The following WWOX variants were observed in gnomAD, a reference collection of about 807,000 sequenced individuals.
WWOX encodes WW domain-containing oxidoreductase.
WWOX carries 69 observed loss-of-function variants against 46.2 expected under a neutral mutation model. The observed-to-expected ratio is 1.49, with a 90% CI of 1.23 to 1.82. WWOX has a LOEUF of 1.82. Among genes scored for constraint, WWOX ranks in the 40% most tolerant of loss-of-function variants. The pLI is 0.00. For synonymous variants in WWOX, 359 were observed against 202.6 expected, an observed-to-expected ratio of 1.77 and a Z score of -6.56; for missense variants, 919 against 542.6, an observed-to-expected ratio of 1.69 and a Z score of -6.89.
At chr16:78,674,397 G>T (rs1017438957) in intron 8 of WWOX, among the ~76,000 whole-genome samples, 3 of 151,020 alleles carry the variant, frequency 2.0e-5, no homozygotes, top group African/African-American at 7.3e-5. Flanking sequence ...CAATTGTCCT[G>T]CCTCAGCCTC....
At chr16:79,134,965 T>C (rs973052264) in intron 8 of WWOX, among the ~76,000 whole-genome samples, 6 of 152,172 alleles carry the variant, frequency 3.9e-5, no homozygotes, top group Non-Finnish European at 8.8e-5. Flanking sequence ...AGACAGGAGC[T>C]ACATACATTT....
At chr16:78,985,433 G>C (rs968092428) in intron 8 of WWOX, among the ~76,000 whole-genome samples, 1 of 152,170 alleles carries the variant, frequency 6.6e-6, no homozygotes, top group South Asian at 2.1e-4. Context: ...TCTCTGGCTA[G>C]TACAGATCTC....
chr16:79,036,568 C>T (rs150511456), intron 8 of WWOX, among the ~76,000 whole-genome samples: 9 of 152,154 alleles, frequency 5.9e-5, no homozygotes, highest in African/African-American at 1.7e-4. Flanking sequence ...GAGCTCTTGG[C>T]TTAATGTGGG....
intron 5 of WWOX, among the ~76,000 whole-genome samples, chr16:78,184,728 C>G (rs2035641591): frequency 6.6e-6 from 1 of 152,088 alleles, no homozygotes; most frequent in South Asian, 2.1e-4. Flanking sequence ...GGTAATGCAA[C>G]CACCGTAAAA....
intron 6 of WWOX, among the ~76,000 whole-genome samples, chr16:78,410,899 G>T (rs1301968107): frequency 1.3e-5 from 2 of 151,708 alleles, no homozygotes; most frequent in Non-Finnish European, 2.9e-5. Context: ...GCTGTTGGCA[G>T]AGGTCACTTC....
intron 8 of WWOX, among the ~76,000 whole-genome samples, chr16:78,924,695 T>G (rs1198018920): frequency 1.3e-5 from 2 of 152,184 alleles, no homozygotes; most frequent in African/African-American, 4.8e-5. Context: ...TGTGGGAGAG[T>G]AACCATTAAT....
At chr16:79,021,200 C>T (rs926747284) in intron 8 of WWOX, among the ~76,000 whole-genome samples, 5 of 152,164 alleles carry the variant, frequency 3.3e-5, no homozygotes, top group South Asian at 2.1e-4. Flanking sequence ...TGCAAATCTA[C>T]ATGCAGTAAA....
chr16:78,812,484 G>A (rs1301321720), intron 8 of WWOX, among the ~76,000 whole-genome samples: 3 of 152,136 alleles, frequency 2.0e-5, no homozygotes, highest in Non-Finnish European at 4.4e-5. Context: ...CACTTTGGGA[G>A]GCCGAGGTGG....
intron 8 of WWOX, among the ~76,000 whole-genome samples, chr16:78,986,717 G>A (rs1198245405): frequency 6.6e-6 from 1 of 152,136 alleles, no homozygotes; most frequent in Non-Finnish European, 1.5e-5. Flanking sequence ...ATTGACCAGG[G>A]TTGATGCACA....
At position 78,579,567 on chromosome 16, in the gene WWOX, G is replaced by A. The variant is rs377717477; in HGVS notation, c.1056+146815G>A. Among the ~76,000 whole-genome samples, 81 of 152,230 alleles carry A rather than the reference G, an allele frequency of 5.3e-4. No individual in the cohort carries two copies. The South Asian group carries it at 0.014, about 27-fold the overall frequency. On this transcript the variant is annotated intron_variant, in intron 8 of 8. Transcript: ENST00000566780. ...GGTGCTGTGGTGCGCCAGAGACTGC[G>A]GAAGTGGCTTTCTAATTAAGAAACA...
chr16:79,211,488 A>AACT, intron 8 of WWOX, 120 bp from the exon 9 acceptor site: 1 of 1,305,480 alleles, frequency 7.7e-7, no homozygotes, highest in Non-Finnish European at 1.1e-6. Context: ...TGCTATGCCA[A>AACT]GATCCAGCTG....
chr16:78,535,938 C>T (rs554178417), intron 8 of WWOX, among the ~76,000 whole-genome samples: 8 of 152,192 alleles, frequency 5.3e-5, no homozygotes, highest in South Asian at 2.1e-4. Flanking sequence ...TGAGGTTCTG[C>T]GCACAAAATT....
At chr16:79,064,465 C>G (rs1211698376) in intron 8 of WWOX, among the ~76,000 whole-genome samples, 2 of 152,168 alleles carry the variant, frequency 1.3e-5, no homozygotes, top group African/African-American at 2.4e-5. Context: ...AGAACCCATG[C>G]GTCGTCATCA....
At chr16:78,867,378 A>AATCT (rs1174218881) in intron 8 of WWOX, among the ~76,000 whole-genome samples, 1 of 152,162 alleles carries the variant, frequency 6.6e-6, no homozygotes, top group African/African-American at 2.4e-5. Flanking sequence ...ACTTAGGCAC[A>AATCT]ATCTTTTACA....
At chr16:79,127,305 C>G (rs1241748086) in intron 8 of WWOX, among the ~76,000 whole-genome samples, 1 of 152,078 alleles carries the variant, frequency 6.6e-6, no homozygotes, top group Non-Finnish European at 1.5e-5. Context: ...GTGCATCCTT[C>G]TAGACATTAT....
intron 8 of WWOX, among the ~76,000 whole-genome samples, chr16:79,053,653 C>T (rs192853768): frequency 6.6e-6 from 1 of 152,226 alleles, no homozygotes; most frequent in African/African-American, 2.4e-5. Context: ...AATAACAAAA[C>T]AACTTTACAA....
At chr16:79,151,255 G>C (rs923508453) in intron 8 of WWOX, among the ~76,000 whole-genome samples, 4 of 152,158 alleles carry the variant, frequency 2.6e-5, no homozygotes, top group Non-Finnish European at 5.9e-5. Context: ...TACGGTGGTT[G>C]ACTTTTCACT....
At chr16:79,053,087 A>T (rs544644801) in intron 8 of WWOX, among the ~76,000 whole-genome samples, 1 of 151,254 alleles carries the variant, frequency 6.6e-6, no homozygotes, top group South Asian at 2.1e-4. Context: ...CCATGCAAAA[A>T]GGATGAAATC....
intron 8 of WWOX, among the ~76,000 whole-genome samples, chr16:78,615,329 G>T (rs562589133): frequency 6.6e-6 from 1 of 152,038 alleles, no homozygotes; most frequent in Non-Finnish European, 1.5e-5. Context: ...TCCGCGACTC[G>T]GTACCTGGTG....
Sources: allele counts gnomAD v4.1 joint callset (sites outside exome capture counted in the v4.1 genomes callset), GRCh38; gene constraint gnomAD v4.1.1; transcripts MANE v1.5; gene names NCBI Gene and HGNC (gene_info 2026-07-23, HGNC 2026-07-21).